The following CLASP1 variants were observed in gnomAD, a reference collection of about 807,000 sequenced individuals.
CLASP1 encodes the protein CLIP-associating protein 1.
In CLASP1, 38 loss-of-function variants were observed where a neutral mutation model predicts 192.3. That is an observed-to-expected ratio of 0.20 (90% CI 0.15 to 0.26). The LOEUF (loss-of-function observed/expected upper bound fraction) is 0.26, where lower values mean the gene tolerates loss of function less well. CLASP1 is among the 10% of genes least tolerant of loss of function. The pLI, the probability that CLASP1 is intolerant of heterozygous loss-of-function variation, is 1.00. For missense variants in CLASP1, 1,433 were observed against 1,932.5 expected (o/e 0.74, Z 4.85); for synonymous variants, 691 against 712.8 (o/e 0.97, Z 0.49).
chr2:121,510,644 A>G (rs2094103243), intron 7 of CLASP1, among the ~76,000 whole-genome samples: 1 of 151,804 alleles, frequency 6.6e-6, no homozygotes, highest in Non-Finnish European at 1.5e-5. Flanking sequence ...CAAAAAATAC[A>G]GAAATTACCC....
At chr2:121,444,697 C>T (rs531169516) in intron 19 of CLASP1, among the ~76,000 whole-genome samples, 71 of 152,232 alleles carry the variant, frequency 4.7e-4, no homozygotes, top group Non-Finnish European at 7.6e-4. Flanking sequence ...AAAAACCACA[C>T]GCAGCATACT....
chr2:121,447,552 T>G (rs767785503), intron 18 of CLASP1, 45 bp from the exon 19 acceptor site: 3 of 1,438,404 alleles, frequency 2.1e-6, no homozygotes, highest in Non-Finnish European at 2.8e-6. Flanking sequence ...TACATAGAAT[T>G]TTGAAAATAC....
intron 8 of CLASP1, among the ~76,000 whole-genome samples, chr2:121,496,522 C>A (rs2093539847): frequency 6.6e-6 from 1 of 152,162 alleles, no homozygotes; most frequent in Admixed American, 6.5e-5. Flanking sequence ...ATCTAGTCAT[C>A]TCAGATACTA....
rs530226123 is a variant in CLASP1 at position 121,628,635 on chromosome 2, C to T, written c.-286+20737G>A. ...AGGTTGCACAGTCAAGATCACCCCA[C>T]TGCACTCCAGCCTGGGTGACAGAAC... On this transcript the variant is annotated intron_variant, in intron 1 of 39. Transcript: ENST00000263710. 3.3e-5 allele frequency among the ~76,000 whole-genome samples: 5 copies of T among 150,574 alleles called. No individual in the cohort carries two copies. The South Asian group carries it at 1.0e-3, about 31-fold the overall frequency.
At chr2:121,397,021 C>G in intron 30 of CLASP1, 119 bp downstream of exon 31, 1 of 908,314 alleles carries the variant, frequency 1.1e-6, no homozygotes, top group Non-Finnish European at 1.7e-6. Flanking sequence ...AGGGCAACAG[C>G]AGAGCCTTAG....
At chr2:121,443,279 GA>G (rs11449320) in intron 19 of CLASP1, among the ~76,000 whole-genome samples, 362 of 137,052 alleles carry the variant, frequency 2.6e-3, no homozygotes, top group African/African-American at 4.3e-3. Context: ...GGAACTGGTG[GA>G]AAAAAAAAAA....
intron 6 of CLASP1, among the ~76,000 whole-genome samples, chr2:121,521,771 T>G (rs10221922): frequency 0.25 from 38,314 of 151,924 alleles, 7,714 homozygotes; most frequent in African/African-American, 0.56. Context: ...CACACTGGCT[T>G]TAGGGAAATG....
intron 6 of CLASP1, among the ~76,000 whole-genome samples, chr2:121,517,617 G>C (rs1461322406): frequency 6.6e-6 from 1 of 152,100 alleles, no homozygotes; most frequent in South Asian, 2.1e-4. Context: ...CACTTTGGGA[G>C]GCCAAGGTAG....
intron 8 of CLASP1, among the ~76,000 whole-genome samples, chr2:121,480,951 G>A (rs2092552332): frequency 6.6e-6 from 1 of 152,228 alleles, no homozygotes; most frequent in Non-Finnish European, 1.5e-5. Flanking sequence ...AGTGAGAACC[G>A]ACGTCTAATG....
At chr2:121,382,565 T>C (rs2071978777) in intron 32 of CLASP1, among the ~76,000 whole-genome samples, 1 of 152,232 alleles carries the variant, frequency 6.6e-6, no homozygotes, top group African/African-American at 2.4e-5. Flanking sequence ...ATGTGTTTAC[T>C]ACTTAAAATC....
At chr2:121,451,885 C>A in intron 14 of CLASP1, 36 bp from the exon 15 acceptor site, 1 of 1,423,492 alleles carries the variant, frequency 7.0e-7, no homozygotes, top group Non-Finnish European at 9.7e-7. Flanking sequence ...CTTATTAATA[C>A]ATATTTTAGT....
chr2:121,437,712 A>G (rs987171038), intron 19 of CLASP1, among the ~76,000 whole-genome samples: 1 of 152,182 alleles, frequency 6.6e-6, no homozygotes, highest in African/African-American at 2.4e-5. Context: ...CTTTTTGTTC[A>G]CTAATGATGA....
At chr2:121,374,933 C>T (rs2069657042) in intron 34 of CLASP1, among the ~76,000 whole-genome samples, 1 of 152,110 alleles carries the variant, frequency 6.6e-6, no homozygotes, top group Non-Finnish European at 1.5e-5. Flanking sequence ...TGAGTTAATG[C>T]AGGAATGAGT....
intron 36 of CLASP1, among the ~76,000 whole-genome samples, chr2:121,363,764 C>T (rs550157728): frequency 1.3e-5 from 2 of 152,128 alleles, no homozygotes; most frequent in East Asian, 3.9e-4. Flanking sequence ...CAGTGGAAGG[C>T]CTGTCATTAT....
intron 2 of CLASP1, among the ~76,000 whole-genome samples, chr2:121,575,944 A>G (rs1250754153): frequency 1.3e-5 from 2 of 152,198 alleles, no homozygotes; most frequent in Admixed American, 1.3e-4. Flanking sequence ...ACCCCCAACT[A>G]AAAAATGACT....
intron 6 of CLASP1, among the ~76,000 whole-genome samples, chr2:121,516,329 A>C (rs2094291436): frequency 2.0e-5 from 3 of 152,232 alleles, no homozygotes; most frequent in African/African-American, 7.2e-5. Flanking sequence ...AGAAGGGAGC[A>C]ATCACATTAG....
At chr2:121,641,299 T>C (rs933139759) in intron 1 of CLASP1, among the ~76,000 whole-genome samples, 1 of 151,408 alleles carries the variant, frequency 6.6e-6, no homozygotes, top group African/African-American at 2.4e-5. Flanking sequence ...GCTCTCAAAC[T>C]TGTGTAGCCC....
chr2:121,649,033 C>T (rs970937426), intron 1 of CLASP1, among the ~76,000 whole-genome samples: 6 of 152,182 alleles, frequency 3.9e-5, no homozygotes, highest in Non-Finnish European at 7.4e-5. Context: ...CTTCTCCCAC[C>T]CGGCAGGGGA....
intron 10 of CLASP1, 137 bp from the exon 11 acceptor site, chr2:121,461,330 G>A: frequency 6.8e-6 from 4 of 589,236 alleles, no homozygotes; most frequent in Non-Finnish European, 8.8e-6. Flanking sequence ...GAAAATATCT[G>A]AACAGTTTTG....
Sources: allele counts gnomAD v4.1 joint callset (sites outside exome capture counted in the v4.1 genomes callset), GRCh38; gene constraint gnomAD v4.1.1; transcripts MANE v1.5; gene names NCBI Gene and HGNC (gene_info 2026-07-23, HGNC 2026-07-21).